Variants in MAMLD1 observed in about 807,000 individuals in gnomAD.
The protein encoded by MAMLD1 is mastermind-like domain-containing protein 1.
MAMLD1 carries 14 observed loss-of-function variants against 45.0 expected under a neutral mutation model. The observed-to-expected ratio is 0.31, with a 90% CI of 0.21 to 0.49. The LOEUF is 0.49. Among genes scored for constraint, MAMLD1 ranks in the 20% least tolerant of loss-of-function variants. MAMLD1 has a pLI of 0.99. For missense variants in MAMLD1, 543 were observed against 603.6 expected, an observed-to-expected ratio of 0.90 and a Z score of 1.05; for synonymous variants, 254 against 247.8, an observed-to-expected ratio of 1.02 and a Z score of -0.24.
At chrX:150,410,895 T>C (rs2124534583) in intron 1 of MAMLD1, among the ~76,000 whole-genome samples, 1 of 112,326 alleles carries the variant, frequency 8.9e-6, no homozygotes, top group East Asian at 2.8e-4. Context: ...GTCCAACCCA[T>C]GGCCGGTGGG....
intron 1 of MAMLD1, among the ~76,000 whole-genome samples, chrX:150,371,791 T>C (rs1219554849): frequency 8.9e-6 from 1 of 111,923 alleles, no homozygotes; most frequent in Non-Finnish European, 1.9e-5. Flanking sequence ...TCTGTGGCTA[T>C]GCCAGTCAGT....
At chrX:150,402,136 C>A (rs1347616407) in intron 1 of MAMLD1, among the ~76,000 whole-genome samples, 5 of 110,564 alleles carry the variant, frequency 4.5e-5, no homozygotes, top group Admixed American at 9.6e-5. Flanking sequence ...GAACAGGCAA[C>A]CTACAAAATG....
At chrX:150,506,646 T>C (rs1008495058) in intron 6 of MAMLD1, among the ~76,000 whole-genome samples, 8 of 112,518 alleles carry the variant, frequency 7.1e-5, no homozygotes, top group Non-Finnish European at 1.5e-4. Context: ...TCCTTTTGCC[T>C]GCTTAAGTGG....
At chrX:150,450,277 C>T (rs2266825) in intron 2 of MAMLD1, among the ~76,000 whole-genome samples, 13,569 of 112,163 alleles carry the variant, frequency 0.12, 745 homozygotes, top group African/African-American at 0.21. Flanking sequence ...CAGGGGCAGC[C>T]AGCTGGGAAC....
intron 1 of MAMLD1, among the ~76,000 whole-genome samples, chrX:150,398,372 A>AGGAAGG (rs2033608710): frequency 2.7e-5 from 3 of 109,635 alleles, no homozygotes; most frequent in Non-Finnish European, 3.8e-5. Flanking sequence ...GAAGAGGAAG[A>AGGAAGG]GGAAGAAGAA....
chrX:150,419,667 G>C (rs1295405482), intron 1 of MAMLD1, among the ~76,000 whole-genome samples: 5 of 95,432 alleles, frequency 5.2e-5, no homozygotes, highest in African/African-American at 1.9e-4. Flanking sequence ...TTGCTTGTCT[G>C]TAAAGTATTT....
chrX:150,496,207 G>T (rs1309781502), intron 5 of MAMLD1, among the ~76,000 whole-genome samples: 1 of 112,725 alleles, frequency 8.9e-6, no homozygotes, highest in Non-Finnish European at 1.9e-5. Flanking sequence ...GAGAATTTGA[G>T]GCTGGGAAGG....
At chrX:150,446,941 A>G (rs782473041) in intron 2 of MAMLD1, among the ~76,000 whole-genome samples, 4 of 112,721 alleles carry the variant, frequency 3.5e-5, no homozygotes, top group Non-Finnish European at 7.5e-5. Context: ...ATTGTAGAAG[A>G]AAGTGTTGAT....
At chrX:150,442,107 G>T in intron 1 of MAMLD1, among the ~76,000 whole-genome samples, 1 of 104,906 alleles carries the variant, frequency 9.5e-6, no homozygotes. Context: ...AGCCACCTCT[G>T]TTACTTTTTA....
Position 150,512,794 on chromosome X carries a change from G to T in MAMLD1, c.*835G>T. The T allele has an allele frequency of 8.7e-7, 1 of 1,155,767 alleles. No homozygotes were observed. Among genetic ancestry groups the T allele is most frequent in the Non-Finnish European group, 1.1e-6 (1 of 872,765 alleles). ...CTGCTTCTGCCGTTGCTGCCAGCCAGTTCCCAGGTCCGTTCGACAGAACGG... is the reference window on the plus strand; with the variant it reads ...CTGCTTCTGCCGTTGCTGCCAGCCATTTCCCAGGTCCGTTCGACAGAACGG... On this transcript the variant is annotated 3_prime_UTR_variant, in exon 8 of 8. Coordinates refer to ENST00000370401, the MANE Select transcript of MAMLD1 (RefSeq NM_005491.5).
At chrX:150,494,484 G>A (rs781887289) in intron 5 of MAMLD1, among the ~76,000 whole-genome samples, 1 of 112,685 alleles carries the variant, frequency 8.9e-6, no homozygotes, top group Non-Finnish European at 1.9e-5. Flanking sequence ...CCCCCAAGTA[G>A]ATCCTCATGT....
Position 150,368,276 on chromosome X carries a change from A to G in MAMLD1, c.-64+4746A>G, listed in dbSNP as rs1223471180. 4.2e-3 allele frequency among the ~76,000 whole-genome samples: 469 copies of G among 110,822 alleles called. 1 individual carries two copies. Among genetic ancestry groups the G allele is most frequent in the Non-Finnish European group, 6.0e-3 (317 of 52,788 alleles). On this transcript the variant is annotated intron_variant, in intron 1 of 7. Coordinates refer to ENST00000370401, the MANE Select transcript of MAMLD1 (RefSeq NM_005491.5). ...TCTAACTGGTGTGAGATGGTATCTCATTGTGGTTTTGATTTGCATTTCTCT... is the reference window on the plus strand; with the variant it reads ...TCTAACTGGTGTGAGATGGTATCTCGTTGTGGTTTTGATTTGCATTTCTCT...
At chrX:150,420,749 C>A (rs1263429210) in intron 1 of MAMLD1, among the ~76,000 whole-genome samples, 6 of 112,447 alleles carry the variant, frequency 5.3e-5, no homozygotes, top group African/African-American at 1.9e-4. Flanking sequence ...TTAGGCTGCT[C>A]GGGGGTCAGG....
rs782680929 is a variant in MAMLD1, at chrX:150,470,623, G to A, written c.1050G>A (p.Pro350=). 2.5e-5 allele frequency: 30 copies of A among 1,209,686 alleles called. No homozygotes were observed. In the Admixed American group the frequency reaches 2.6e-4, roughly 11 times the overall value. Residue 350 remains proline, a synonymous_variant, in exon 4 of 8, where the codon CCG becomes CCA. Transcript: ENST00000370401. Reference sequence around the variant, plus strand: ...CAGTGCCATCACCACACCCACCACCGCTGCCACTGCCACCACCACCACCCC... The same window carrying A: ...CAGTGCCATCACCACACCCACCACCACTGCCACTGCCACCACCACCACCCC... ...YRPVPSPHPP[P]LPLPPPPPPF...
intron 2 of MAMLD1, 139 bp downstream of exon 2, chrX:150,445,751 T>C: frequency 2.0e-6 from 1 of 494,646 alleles, no homozygotes; most frequent in Admixed American, 3.2e-5. Context: ...TCAAATGTGA[T>C]CTAGAAGAGA....
At chrX:150,376,454 G>A (rs1471961616) in intron 1 of MAMLD1, among the ~76,000 whole-genome samples, 3 of 110,867 alleles carry the variant, frequency 2.7e-5, no homozygotes, top group African/African-American at 9.9e-5. Context: ...GCTTGCCCAG[G>A]CTTCCCTGGC....
At chrX:150,403,179 T>C (rs1602707144) in intron 1 of MAMLD1, among the ~76,000 whole-genome samples, 1 of 111,664 alleles carries the variant, frequency 9.0e-6, no homozygotes, top group Admixed American at 9.5e-5. Context: ...CAAAACATGA[T>C]ACTGAGTTTA....
chrX:150,473,858 G>A, intron 5 of MAMLD1, 56 bp downstream of exon 5: 1 of 1,152,707 alleles, frequency 8.7e-7, no homozygotes, highest in South Asian at 1.8e-5. Flanking sequence ...TAGACTGATT[G>A]TGTTGTCCCA....
intron 5 of MAMLD1, among the ~76,000 whole-genome samples, chrX:150,488,341 C>A (rs2037063090): frequency 8.9e-6 from 1 of 112,589 alleles, no homozygotes; most frequent in African/African-American, 3.2e-5. Flanking sequence ...ACATTTTTCC[C>A]CTGAGAAAGT....
Sources: gnomAD v4.1 joint callset for allele counts (sites outside exome capture counted in the v4.1 genomes callset) on GRCh38, gnomAD v4.1.1 for gene constraint, MANE v1.5 for transcripts, NCBI Gene and HGNC (gene_info 2026-07-23, HGNC 2026-07-21) for gene names.